PPP2R2A: variants seen among roughly 807,000 people sequenced by gnomAD.
PPP2R2A encodes the protein protein phosphatase 2 regulatory subunit Balpha.
Under a neutral mutation model 53.2 loss-of-function variants are expected in PPP2R2A, and 9 were observed. The observed-to-expected ratio is 0.17, with a 90% confidence interval of 0.10 to 0.30. PPP2R2A has a LOEUF of 0.30. PPP2R2A is among the 10% of genes least tolerant of loss of function. PPP2R2A has a pLI of 1.00. For synonymous variants in PPP2R2A, 169 were observed against 174.2 expected, an observed-to-expected ratio of 0.97 and a Z score of 0.23; for missense variants, 235 against 534.6, an observed-to-expected ratio of 0.44 and a Z score of 5.53.
chr8:26,353,915 G>C (rs1463329590), intron 3 of PPP2R2A, among the ~76,000 whole-genome samples: 1 of 152,124 alleles, frequency 6.6e-6, no homozygotes, highest in Non-Finnish European at 1.5e-5. Context: ...GGGGTGGGAG[G>C]TAGGGGTCAA....
chr8:26,310,666 TC>T (rs11344907), intron 2 of PPP2R2A, among the ~76,000 whole-genome samples: 73,204 of 144,396 alleles, frequency 0.51, 18,743 homozygotes, highest in Non-Finnish European at 0.54. Flanking sequence ...ATTTTTTTTT[TC>T]CTTTTTTTTT....
chr8:26,371,614 C>CT lies in PPP2R2A; in HGVS notation c.*1208dup, dbSNP rs900234353. The CT allele has an allele frequency of 1.3e-5, 2 of 152,100 alleles. No individual in the cohort carries two copies. Among genetic ancestry groups the CT allele is most frequent in the East Asian group, 1.9e-4 (1 of 5,198 alleles). The allele number at this position is 152,100 out of a possible 1,614,324, so 9.4% of individuals were successfully genotyped here. A position where few individuals can be genotyped will look rare whatever the true frequency, so the allele number is the denominator to read the frequency against. On this transcript the variant is annotated 3_prime_UTR_variant, in exon 10 of 10. Coordinates refer to ENST00000380737, the MANE Select transcript of PPP2R2A (RefSeq NM_002717.4). ...ACATCAAGTGACACTGCACTAAATA[C>CT]TTTTTTTGTATTTTACTGCTATCAA...
chr8:26,337,611 G>T (rs535364426), intron 2 of PPP2R2A, among the ~76,000 whole-genome samples: 2 of 152,332 alleles, frequency 1.3e-5, no homozygotes, highest in East Asian at 1.9e-4. Flanking sequence ...TACTAGCCCA[G>T]TATATTCAGT....
At chr8:26,327,738 G>T (rs1174961176) in intron 2 of PPP2R2A, among the ~76,000 whole-genome samples, 1 of 152,170 alleles carries the variant, frequency 6.6e-6, no homozygotes, top group Non-Finnish European at 1.5e-5. Context: ...ATATTGGGAA[G>T]AAATTGGTGC....
rs1563277648 is a variant in PPP2R2A, at chr8:26,293,663, C to T, written c.8-3C>T. 3.1e-6 allele frequency: 5 copies of T among 1,606,122 alleles called. No homozygotes were observed. The South Asian group carries it at 4.5e-5, about 14-fold the overall frequency. The stretch of plus-strand genomic sequence containing the variant: ...TTTTAATTGGTATGTTTTCTTTTTC[C>T]AGGAGCTGGAGGAGGGAATGATATT... On this transcript the variant is annotated splice_polypyrimidine_tract_variant and splice_region_variant and intron_variant, in intron 1 of 9. Coordinates refer to ENST00000380737, the MANE Select transcript of PPP2R2A (RefSeq NM_002717.4).
At chr8:26,301,513 T>C (rs1383227442) in intron 2 of PPP2R2A, among the ~76,000 whole-genome samples, 2 of 152,064 alleles carry the variant, frequency 1.3e-5, no homozygotes, top group African/African-American at 2.4e-5. Flanking sequence ...TTAAAAATTT[T>C]TTTTTGTAGA....
chr8:26,306,475 G>GAA (rs35167661), intron 2 of PPP2R2A, among the ~76,000 whole-genome samples: 9 of 108,246 alleles, frequency 8.3e-5, no homozygotes, highest in Admixed American at 2.9e-4. Context: ...GACTCTGTCT[G>GAA]AAAAAAAAAA....
chr8:26,331,459 T>C (rs1407041421), intron 2 of PPP2R2A, among the ~76,000 whole-genome samples: 1 of 152,240 alleles, frequency 6.6e-6, no homozygotes, highest in Non-Finnish European at 1.5e-5. Flanking sequence ...ATCACACATT[T>C]TTATTGGGTA....
At position 26,371,361 on chromosome 8, in the gene PPP2R2A, T is replaced by G. The variant is rs986430181; in HGVS notation, c.*948T>G. 14 of 151,808 alleles carry G rather than the reference T, an allele frequency of 9.2e-5. No homozygotes were observed. Among genetic ancestry groups the G allele is most frequent in the African/African-American group, 3.1e-4 (13 of 41,378 alleles). The allele number at this position is 151,808 out of a possible 1,614,324, so 9.4% of individuals were successfully genotyped here. A position where few individuals can be genotyped will look rare whatever the true frequency, so the allele number is the denominator to read the frequency against. ...CAATCTATAAATGCTACTAGTTTTTTTTTTTTTTTTTACCATCATGAGGGT... is the reference window on the plus strand; with the variant it reads ...CAATCTATAAATGCTACTAGTTTTTGTTTTTTTTTTTACCATCATGAGGGT... On this transcript the variant is annotated 3_prime_UTR_variant, in exon 10 of 10. Transcript: ENST00000380737.
At chr8:26,364,968 A>G (rs2117419952) in intron 8 of PPP2R2A, 2 of 152,306 alleles carry the variant, frequency 1.3e-5, no homozygotes, top group South Asian at 2.1e-4. Context: ...TGTATACTGA[A>G]AAAAGACTTC....
Position 26,291,676 on chromosome 8 carries a change from TTCCCCCCGGCCCCCGTCCCC to T in PPP2R2A, c.-135_-116del. On this transcript the variant is annotated 5_prime_UTR_variant, in exon 1 of 10. Transcript: ENST00000380737. ...CTGGTCTGCCCGCCCCTCCTTCCTT[TTCCCCCCGGCCCCCGTCCCC>T]TCCCCCCGCAGGTGCCATCCGCCGC... 1.8e-6 allele frequency: 1 copy of T among 569,006 alleles called. No homozygotes were observed. Among genetic ancestry groups the T allele is most frequent in the Non-Finnish European group, 3.1e-6 (1 of 321,780 alleles). The allele number at this position is 569,006 out of a possible 1,614,324, so 35.2% of individuals were successfully genotyped here.
chr8:26,370,439 C>T lies in PPP2R2A; in HGVS notation c.*26C>T. 1 of 1,606,894 alleles carries T rather than the reference C, an allele frequency of 6.2e-7. No homozygotes were observed. The highest frequency in any genetic ancestry group is 1.1e-5 in the South Asian group (1 of 90,708). ...GGTTGGCATTCCTAGCAGAAGAACCCACTTCCTGCTTAGTTGAGATAGTTG... is the reference window on the plus strand; with the variant it reads ...GGTTGGCATTCCTAGCAGAAGAACCTACTTCCTGCTTAGTTGAGATAGTTG... On this transcript the variant is annotated 3_prime_UTR_variant, in exon 10 of 10. Coordinates refer to ENST00000380737, the MANE Select transcript of PPP2R2A (RefSeq NM_002717.4). The surrounding 1 kb of genome is among the most constrained non-coding windows in gnomAD (Gnocchi z 6.1).
chr8:26,357,681 G>A (rs1013837268), intron 4 of PPP2R2A, among the ~76,000 whole-genome samples: 5 of 151,978 alleles, frequency 3.3e-5, no homozygotes, highest in African/African-American at 1.2e-4. Flanking sequence ...AAGTTTTTTA[G>A]GGTCTTACAT....
At chr8:26,339,353 GTTTACTT>G (rs1803824511) in intron 3 of PPP2R2A, among the ~76,000 whole-genome samples, 3 of 151,978 alleles carry the variant, frequency 2.0e-5, no homozygotes, top group Non-Finnish European at 4.4e-5. Context: ...TCAATGCTTG[GTTTACTT>G]TGTACAATTG....
chr8:26,300,944 A>G (rs758084977), intron 2 of PPP2R2A, among the ~76,000 whole-genome samples: 1 of 152,264 alleles, frequency 6.6e-6, no homozygotes, highest in Admixed American at 6.5e-5. Context: ...TGGCATGGCC[A>G]TCTTGAGTAC....
intron 2 of PPP2R2A, among the ~76,000 whole-genome samples, chr8:26,314,546 T>C (rs1802446895): frequency 6.6e-6 from 1 of 152,168 alleles, no homozygotes; most frequent in Non-Finnish European, 1.5e-5. Context: ...GGAGGTAAAA[T>C]TTTTGAGATC....
intron 3 of PPP2R2A, among the ~76,000 whole-genome samples, chr8:26,340,261 A>T (rs1402142373): frequency 6.6e-6 from 1 of 152,018 alleles, no homozygotes; most frequent in Non-Finnish European, 1.5e-5. Context: ...AGGAAAGTCA[A>T]GATATAAATA....
chr8:26,322,607 T>G (rs1240134470), intron 2 of PPP2R2A, among the ~76,000 whole-genome samples: 1 of 152,082 alleles, frequency 6.6e-6, no homozygotes, highest in African/African-American at 2.4e-5. Flanking sequence ...AAAAAAGACT[T>G]AACTACACCC....
chr8:26,355,322 A>T (rs565364467), intron 4 of PPP2R2A, among the ~76,000 whole-genome samples: 4 of 152,262 alleles, frequency 2.6e-5, no homozygotes, highest in African/African-American at 9.6e-5. Context: ...CATTGGTGTA[A>T]TCACAGCTCA....
Sources: allele counts gnomAD v4.1 joint callset (sites outside exome capture counted in the v4.1 genomes callset), GRCh38; gene constraint gnomAD v4.1.1; non-coding constraint Gnocchi (gnomAD v3.1); transcripts MANE v1.5; gene names NCBI Gene and HGNC (gene_info 2026-07-23, HGNC 2026-07-21).